Variants in CIITA observed in about 807,000 individuals in gnomAD.
CIITA encodes the protein MHC class II transactivator.
CIITA carries 72 observed loss-of-function variants against 115.1 expected under a neutral mutation model. The ratio of observed to expected loss-of-function variants is 0.63; its 90% CI spans 0.52 to 0.76. The LOEUF (loss-of-function observed/expected upper bound fraction) is 0.76, where lower values mean the gene tolerates loss of function less well. Ranked by LOEUF, CIITA falls within the 30% of genes least tolerant of loss-of-function variation. The pLI is 0.00. For synonymous variants in CIITA, 763 were observed against 635.6 expected (o/e 1.20, Z -3.02); for missense variants, 1,617 against 1,463.8 (o/e 1.10, Z -1.71).
intron 16 of CIITA, among the ~76,000 whole-genome samples, chr16:10,919,354 G>A (rs147154702): frequency 1.9e-3 from 287 of 151,936 alleles, no homozygotes; most frequent in African/African-American, 6.7e-3. Context: ...CCACCACCAC[G>A]TCCAGCTAGT....
chr16:10,897,872 C>A (rs1013701898), intron 3 of CIITA, among the ~76,000 whole-genome samples: 11 of 152,176 alleles, frequency 7.2e-5, no homozygotes, highest in Admixed American at 2.6e-4. Flanking sequence ...AGCTCAGAAG[C>A]CTTCTATGGC....
At chr16:10,910,121 G>T in intron 12 of CIITA, 67 bp from the exon 13 acceptor site, 1 of 1,393,160 alleles carries the variant, frequency 7.2e-7, no homozygotes, top group Non-Finnish European at 1.0e-6. Flanking sequence ...CAGCCATCAT[G>T]GGACCCATGG....
rs2040488978 is a variant in CIITA, at chr16:10,925,367, G to A, written c.*1512G>A. Reference sequence around the variant, plus strand: ...CTGTCGCCCAGTCTGGAATGCAGTGGTATGATCACGGCTCACTGCAGCCTC... The same window carrying A: ...CTGTCGCCCAGTCTGGAATGCAGTGATATGATCACGGCTCACTGCAGCCTC... On this transcript the variant is annotated 3_prime_UTR_variant, in exon 20 of 20. Coordinates refer to ENST00000324288, the MANE Select transcript of CIITA (RefSeq NM_000246.4). 2 of 152,374 alleles carry A rather than the reference G, an allele frequency of 1.3e-5. No individual in the cohort carries two copies. The highest frequency in any genetic ancestry group is 4.8e-5 in the African/African-American group (2 of 41,466). The allele number at this position is 152,374 out of a possible 1,614,324, so 9.4% of individuals were successfully genotyped here. A position where few individuals can be genotyped will look rare whatever the true frequency, so the allele number is the denominator to read the frequency against.
rs2229317 is a variant in CIITA at position 10,895,362 on chromosome 16, C to G, written c.133C>G (p.Leu45Val). Residue 45 changes from leucine to valine, a missense_variant, in exon 2 of 20, where the codon CTG becomes GTG. Leu to Val is a conservative substitution (Grantham distance 32). Transcript: ENST00000324288. The part of the protein sequence containing the change: ...LELLNSDADP[L>V]CLYHFYDQMD... ...GCTTCTTAACAGCGATGCTGACCCC[C>G]TGTGCCTCTACCACTTCTATGACCA... is the stretch of plus-strand genomic sequence containing the variant. 69,377 of 1,614,036 alleles carry G rather than the reference C, an allele frequency of 0.043. 9,501 individuals are homozygous for G. Among genetic ancestry groups the G allele is most frequent in the Admixed American group, 0.42 (24,970 of 59,970 alleles).
rs1476699071 is a variant in CIITA at position 10,916,743 on chromosome 16, T to C, written c.3062+284T>C. 15 of 486,460 alleles carry C rather than the reference T, an allele frequency of 3.1e-5. No homozygotes were observed. In the East Asian group the frequency reaches 4.3e-4, roughly 14 times the overall value. 30.1% of individuals were successfully genotyped at this position (486,460 alleles called of 1,614,324 possible). ...ACCTATTCAATCAGCCATTCATCCT[T>C]CCATTCAATGATTCATCCATTCACT... On this transcript the variant is annotated intron_variant, in intron 15 of 19. Coordinates refer to ENST00000324288, the MANE Select transcript of CIITA (RefSeq NM_000246.4).
At chr16:10,922,614 CT>C in intron 18 of CIITA, 124 bp downstream of exon 18, 3 of 922,238 alleles carry the variant, frequency 3.3e-6, no homozygotes, top group Non-Finnish European at 5.2e-6. Flanking sequence ...TGAGCAGACA[CT>C]TCCCCCTCTG....
rs568048065 is a variant in CIITA, at chr16:10,911,026, G to A, written c.2888+767G>A. 1.7e-4 allele frequency among the ~76,000 whole-genome samples: 12 copies of A among 71,504 alleles called. 2 individuals carry two copies. Among genetic ancestry groups the A allele is most frequent in the African/African-American group, 4.3e-4 (10 of 23,410 alleles). The allele number at this position is 71,504 out of a possible 152,430, so 46.9% of individuals were successfully genotyped here. Reference sequence around the variant, plus strand: ...GGTTGCTCTATGTGTGGCCAGGGCTGGGGGCCACACCCTAGGCAGTGTTGC... The same window carrying A: ...GGTTGCTCTATGTGTGGCCAGGGCTAGGGGCCACACCCTAGGCAGTGTTGC... On this transcript the variant is annotated intron_variant, in intron 13 of 19. Coordinates refer to ENST00000324288, the MANE Select transcript of CIITA (RefSeq NM_000246.4).
At chr16:10,937,356 G>A (rs919037966), downstream of CIITA, 13 of 152,346 alleles carry the variant, frequency 8.5e-5, no homozygotes, top group African/African-American at 1.7e-4. This position sits in a 1 kb window ranked among gnomAD's most constrained non-coding sequence, Gnocchi z 4.2. Flanking sequence ...TGTCCCTGTG[G>A]AAGGTTTGGG....
At chr16:10,872,697 C>A (rs2035570321), upstream of CIITA, among the ~76,000 whole-genome samples, 1 of 152,192 alleles carries the variant, frequency 6.6e-6, no homozygotes, top group Non-Finnish European at 1.5e-5. Context: ...CAGTTGTATT[C>A]TACTCACCTA....
intron 9 of CIITA, 149 bp downstream of exon 9, chr16:10,904,044 G>C (rs1216405094): frequency 1.0e-6 from 1 of 995,660 alleles, no homozygotes; most frequent in Non-Finnish European, 1.5e-6. Context: ...GGGTCTCCAG[G>C]GAGTGGAGGC....
intron 13 of CIITA, 22 bp downstream of exon 13, chr16:10,910,281 C>G: frequency 6.2e-7 from 1 of 1,609,068 alleles, no homozygotes; most frequent in Non-Finnish European, 8.5e-7. Context: ...GGTGGATTGT[C>G]TTGTGGGTCT....
chr16:10,871,794 GC>G (rs1191568270), intron 1 of CIITA, among the ~76,000 whole-genome samples: 1 of 152,172 alleles, frequency 6.6e-6, no homozygotes, highest in Non-Finnish European at 1.5e-5. Context: ...GAAGACTCGT[GC>G]CTTTCATCTT....
chr16:10,901,328 T>C lies in CIITA; in HGVS notation c.437-186T>C, dbSNP rs2038729411. Among the ~76,000 whole-genome samples the C allele has an allele frequency of 6.6e-6, 1 of 152,092 alleles. No individual in the cohort carries two copies. The highest frequency in any genetic ancestry group is 2.4e-5 in the African/African-American group (1 of 41,410). ...TGCTGCTACACTGCCTGGTATGGTT[T>C]GAGATGGGGTTTGGGTTCAAGCCAA... is the stretch of plus-strand genomic sequence containing the variant. On this transcript the variant is annotated intron_variant, in intron 5 of 19. Transcript: ENST00000324288. This position sits in a 1 kb window ranked among gnomAD's most constrained non-coding sequence, Gnocchi z 6.8.
At chr16:10,922,023 C>G in intron 16 of CIITA, 144 bp from the exon 17 acceptor site, 1 of 761,256 alleles carries the variant, frequency 1.3e-6, no homozygotes, top group Non-Finnish European at 2.4e-6. Context: ...GGCACAATGC[C>G]AGGCTCTGTT....
chr16:10,899,028 CCT>C, intron 5 of CIITA, 26 bp downstream of exon 5: 1 of 1,611,258 alleles, frequency 6.2e-7, no homozygotes, highest in Non-Finnish European at 8.5e-7. Context: ...CCTGATCCAA[CCT>C]AGCCTTGCTT....
Position 10,898,748 on chromosome 16 carries a change from G to C in CIITA, c.358+16G>C. The C allele has an allele frequency of 6.2e-7, 1 of 1,611,440 alleles. No homozygotes were observed. The highest frequency in any genetic ancestry group is 8.5e-7 in the Non-Finnish European group (1 of 1,178,806). ...GACATTTTCAGTAAGTTTGTGGTGG[G>C]TGGGGAGGTCTTGGCTCAGCCTGCA... On this transcript the variant is annotated intron_variant, in intron 4 of 19. Transcript: ENST00000324288.
Position 10,930,682 on chromosome 16 carries a change from C to G in CIITA, c.*6827C>G, listed in dbSNP as rs1199660747. On this transcript the variant is annotated 3_prime_UTR_variant, in exon 20 of 20. Transcript: ENST00000324288. ...GAGAGCAGGTACCATTTCCTGAGCT[C>G]TTAGCAGACGCTGAGGACCCTGCTA... 6.6e-6 allele frequency: 1 copy of G among 152,230 alleles called. No homozygotes were observed. Among genetic ancestry groups the G allele is most frequent in the Non-Finnish European group, 1.5e-5 (1 of 68,056 alleles). 9.4% of individuals were successfully genotyped at this position (152,230 alleles called of 1,614,324 possible).
intron 13 of CIITA, among the ~76,000 whole-genome samples, chr16:10,911,582 T>A (rs527269953): frequency 2.0e-5 from 3 of 151,390 alleles, no homozygotes; most frequent in Non-Finnish European, 4.4e-5. Flanking sequence ...TGAGGCAGAG[T>A]CTTACTCTGT....
chr16:10,904,928 C>CATTTATTT, intron 10 of CIITA, 116 bp downstream of exon 10: 1 of 1,036,414 alleles, frequency 9.6e-7, no homozygotes, highest in Non-Finnish European at 1.5e-6. Context: ...CTCACACACT[C>CATTTATTT]ATTTATTTAT....
Sources: gnomAD v4.1 joint callset for allele counts (sites outside exome capture counted in the v4.1 genomes callset) on GRCh38, gnomAD v4.1.1 for gene constraint, Gnocchi (gnomAD v3.1) non-coding constraint, MANE v1.5 for transcripts, NCBI Gene and HGNC (gene_info 2026-07-23, HGNC 2026-07-21) for gene names.